AFAP1L2: variants seen among roughly 807,000 people sequenced by gnomAD.
AFAP1L2 encodes the protein actin filament-associated protein 1-like 2.
Under a neutral mutation model 99.3 loss-of-function variants are expected in AFAP1L2, and 46 were observed. The observed-to-expected ratio is 0.46, with a 90% CI of 0.37 to 0.59. AFAP1L2 has a LOEUF of 0.59. Ranked by LOEUF, AFAP1L2 falls within the 20% of genes least tolerant of loss-of-function variation. The pLI, the probability that AFAP1L2 is intolerant of heterozygous loss-of-function variation, is 0.00. For synonymous variants in AFAP1L2, 397 were observed against 419.1 expected (o/e 0.95, Z 0.64); for missense variants, 959 against 1,034.9 (o/e 0.93, Z 1.01).
At chr10:114,300,101 T>G (rs1247983374) in intron 15 of AFAP1L2, 93 bp downstream of exon 15, 1 of 1,549,460 alleles carries the variant, frequency 6.5e-7, no homozygotes, top group Non-Finnish European at 8.8e-7. Flanking sequence ...ATAAACGCCC[T>G]TTCATATATA....
At chr10:114,394,854 C>G (rs190903850) in intron 1 of AFAP1L2, among the ~76,000 whole-genome samples, 8 of 152,196 alleles carry the variant, frequency 5.3e-5, no homozygotes, top group African/African-American at 1.9e-4. Context: ...TGAGTCTCAC[C>G]CAGCTCAAGT....
At chr10:114,356,883 G>C (rs1297372686) in intron 1 of AFAP1L2, among the ~76,000 whole-genome samples, 1 of 152,186 alleles carries the variant, frequency 6.6e-6, no homozygotes, top group South Asian at 2.1e-4. Flanking sequence ...AGGTGAGAAG[G>C]CTCTAAAAAA....
intron 1 of AFAP1L2, among the ~76,000 whole-genome samples, chr10:114,386,034 G>A (rs568724322): frequency 6.6e-6 from 1 of 152,146 alleles, no homozygotes; most frequent in Non-Finnish European, 1.5e-5. Flanking sequence ...TACCAGATGT[G>A]GGCAGCCAGG....
At chr10:114,376,387 G>A (rs2054800262) in intron 1 of AFAP1L2, among the ~76,000 whole-genome samples, 1 of 152,160 alleles carries the variant, frequency 6.6e-6, no homozygotes, top group South Asian at 2.1e-4. Context: ...GGGAAGAGAG[G>A]GAATCAATGC....
At chr10:114,321,130 T>C (rs1195713644) in intron 5 of AFAP1L2, among the ~76,000 whole-genome samples, 3 of 152,204 alleles carry the variant, frequency 2.0e-5, no homozygotes, top group East Asian at 3.9e-4. Flanking sequence ...CTGTTCTTTT[T>C]ATTTTTATTT....
chr10:114,327,173 A>ATTT (rs148962632), intron 4 of AFAP1L2, among the ~76,000 whole-genome samples: 9 of 18,696 alleles, frequency 4.8e-4, no homozygotes, highest in African/African-American at 1.0e-3. Context: ...ATATATATAT[A>ATTT]TTTTTTTTTT....
rs528509319 is a variant in AFAP1L2 at position 114,337,739 on chromosome 10, C to T, written c.145+2864G>A. ...CCAGAGTGGTTAGCACCAAGATCCA[C>T]GGGTCAGACTTATCACAAACAGGTG... On this transcript the variant is annotated intron_variant, in intron 2 of 18. Transcript: ENST00000304129. 3.4e-3 allele frequency among the ~76,000 whole-genome samples: 522 copies of T among 152,360 alleles called. 4 individuals carry two copies. The highest frequency in any genetic ancestry group is 4.7e-3 in the Non-Finnish European group (317 of 68,032).
At chr10:114,331,002 A>G (rs1226322030) in intron 4 of AFAP1L2, among the ~76,000 whole-genome samples, 1 of 152,166 alleles carries the variant, frequency 6.6e-6, no homozygotes, top group Non-Finnish European at 1.5e-5. Context: ...AAATTGGTAG[A>G]GGCCCAGGAG....
intron 5 of AFAP1L2, among the ~76,000 whole-genome samples, chr10:114,321,779 C>G (rs1452571803): frequency 6.6e-6 from 1 of 152,154 alleles, no homozygotes; most frequent in African/African-American, 2.4e-5. Flanking sequence ...ATCCCCACAC[C>G]AAGAGCACTT....
At chr10:114,297,451 C>T in intron 16 of AFAP1L2, 38 bp from the exon 17 acceptor site, 1 of 1,596,666 alleles carries the variant, frequency 6.3e-7, no homozygotes, top group Non-Finnish European at 8.5e-7. Context: ...AGAACAGCAT[C>T]TCAGCCCAGG....
At chr10:114,282,850 G>T in the AFAP1L2 span, among the ~76,000 whole-genome samples, 68 of 152,298 alleles carry the variant, frequency 4.5e-4, no homozygotes, top group African/African-American at 1.6e-3. Context: ...CAGCTTTGCA[G>T]ACATCCTCAA....
downstream of AFAP1L2, chr10:114,291,381 C>A: frequency 1.0e-6 from 1 of 961,912 alleles, no homozygotes; most frequent in Non-Finnish European, 1.5e-6. Flanking sequence ...GTGGCCAGGA[C>A]CACTATTCTC....
intron 1 of AFAP1L2, among the ~76,000 whole-genome samples, chr10:114,382,972 G>A (rs1241520656): frequency 6.6e-6 from 1 of 151,986 alleles, no homozygotes; most frequent in Non-Finnish European, 1.5e-5. Context: ...AACACTTCAG[G>A]TGATGGATAC....
At chr10:114,365,903 A>T (rs924029158) in intron 1 of AFAP1L2, among the ~76,000 whole-genome samples, 1 of 150,560 alleles carries the variant, frequency 6.6e-6, no homozygotes, top group African/African-American at 2.4e-5. Context: ...ATAATTTTTA[A>T]TTTTTTTTTG....
At chr10:114,402,292 C>T (rs2058301741) in intron 1 of AFAP1L2, among the ~76,000 whole-genome samples, 1 of 152,180 alleles carries the variant, frequency 6.6e-6, no homozygotes, top group South Asian at 2.1e-4. Flanking sequence ...CATAGAGGAA[C>T]TTTTCCATTT....
At chr10:114,332,244 C>T (rs1445752619) in intron 3 of AFAP1L2, among the ~76,000 whole-genome samples, 1 of 152,220 alleles carries the variant, frequency 6.6e-6, no homozygotes, top group Non-Finnish European at 1.5e-5. Context: ...GATTATGGCT[C>T]TTTCCTCCCA....
chr10:114,340,963 C>CTTTTTTAA, intron 1 of AFAP1L2: 1 of 578,510 alleles, frequency 1.7e-6, no homozygotes, highest in Non-Finnish European at 3.0e-6. Flanking sequence ...ACAGCCTCCG[C>CTTTTTTAA]TGAAGTCCCA....
downstream of AFAP1L2, chr10:114,291,083 TA>T: frequency 9.7e-7 from 1 of 1,033,140 alleles, no homozygotes; most frequent in Non-Finnish European, 1.5e-6. Flanking sequence ...ATGGGGTCTC[TA>T]ATCTGGCATC....
At chr10:114,299,126 C>T (rs2040715037) in intron 16 of AFAP1L2, 134 bp downstream of exon 16, 1 of 1,010,332 alleles carries the variant, frequency 9.9e-7, no homozygotes, top group Non-Finnish European at 1.5e-6. Flanking sequence ...AGGGAGCACC[C>T]ACCCAGGCCA....
Sources: gnomAD v4.1 joint callset for allele counts (sites outside exome capture counted in the v4.1 genomes callset) on GRCh38, gnomAD v4.1.1 for gene constraint, MANE v1.5 for transcripts, NCBI Gene and HGNC (gene_info 2026-07-23, HGNC 2026-07-21) for gene names.